The following SYT10 variants were observed in gnomAD, a reference collection of about 807,000 sequenced individuals.
SYT10 encodes the protein synaptotagmin 10.
A neutral mutation model predicts 51.1 loss-of-function variants in SYT10; 31 were observed. The observed-to-expected ratio is 0.61, with a 90% CI of 0.46 to 0.82. The LOEUF is 0.82. Among genes scored for constraint, SYT10 ranks in the 40% least tolerant of loss-of-function variants. SYT10 has a pLI of 0.00. For synonymous variants in SYT10, 233 were observed against 225.9 expected, an observed-to-expected ratio of 1.03 and a Z score of -0.28; for missense variants, 603 against 634.0, an observed-to-expected ratio of 0.95 and a Z score of 0.53.
At chr12:33,416,314 C>T (rs1866453412) in intron 2 of SYT10, among the ~76,000 whole-genome samples, 1 of 151,952 alleles carries the variant, frequency 6.6e-6, no homozygotes, top group African/African-American at 2.4e-5. Context: ...AAATCCTGAC[C>T]TTAGGCAATC....
chr12:33,407,180 A>G lies in SYT10; in HGVS notation c.686T>C (p.Val229Ala). The change falls in exon 3 of 7, where the codon GTC becomes GCC. Residue 229 changes from valine to alanine, a missense_variant. Val to Ala is a moderately conservative substitution (Grantham distance 64). Transcript: ENST00000228567. ...VDSEGNQNEDVKICGKLNFTL... is the reference protein window; with the variant it reads ...VDSEGNQNEDAKICGKLNFTL... ...AAAGTTAAGTTTCCCACAGATTTTG[A>G]CATCTTCGTTTTGGTTGCCCTCAGA... 2 of 1,614,164 alleles carry G rather than the reference A, an allele frequency of 1.2e-6. No homozygotes were observed. The highest frequency in any genetic ancestry group is 1.7e-6 in the Non-Finnish European group (2 of 1,180,032).
At chr12:33,433,650 T>C (rs987827683) in intron 1 of SYT10, among the ~76,000 whole-genome samples, 1 of 152,170 alleles carries the variant, frequency 6.6e-6, no homozygotes, top group Admixed American at 6.5e-5. Flanking sequence ...TACACATGTG[T>C]GCATAGTCAA....
intron 2 of SYT10, 103 bp downstream of exon 2, chr12:33,426,035 A>G: frequency 8.3e-7 from 1 of 1,206,416 alleles, no homozygotes; most frequent in South Asian, 1.6e-5. Flanking sequence ...TTTTCTCCCA[A>G]CTAAAGTTTT....
chr12:33,388,100 G>A (rs1866173809), intron 3 of SYT10, among the ~76,000 whole-genome samples: 1 of 144,538 alleles, frequency 6.9e-6, no homozygotes, highest in South Asian at 2.2e-4. Context: ...AGTAAAAATA[G>A]CTACAAAGGT....
intron 2 of SYT10, among the ~76,000 whole-genome samples, chr12:33,422,332 T>C (rs2138429080): frequency 6.6e-6 from 1 of 152,238 alleles, no homozygotes; most frequent in South Asian, 2.1e-4. Context: ...CACATTTTCA[T>C]GTTTCTTTTT....
At chr12:33,426,826 G>C (rs1866557422) in intron 1 of SYT10, among the ~76,000 whole-genome samples, 1 of 152,158 alleles carries the variant, frequency 6.6e-6, no homozygotes, top group African/African-American at 2.4e-5. Context: ...CATGAGGCAA[G>C]AAATTCTAAA....
At chr12:33,417,207 T>C (rs1866461871) in intron 2 of SYT10, among the ~76,000 whole-genome samples, 1 of 152,192 alleles carries the variant, frequency 6.6e-6, no homozygotes, top group Admixed American at 6.5e-5. Context: ...GCCTGTACTG[T>C]AAGATATGAC....
chr12:33,432,828 A>G (rs1236970037), intron 1 of SYT10: 1 of 152,064 alleles, frequency 6.6e-6, no homozygotes, highest in Non-Finnish European at 1.5e-5. Flanking sequence ...AGGTCCATCT[A>G]AGGAAAAAAA....
intron 2 of SYT10, among the ~76,000 whole-genome samples, chr12:33,424,492 A>G (rs1866532458): frequency 6.6e-6 from 1 of 152,066 alleles, no homozygotes. Flanking sequence ...TTACCTTGAA[A>G]TTTCTGAGTG....
intron 4 of SYT10, among the ~76,000 whole-genome samples, chr12:33,382,985 G>C (rs1442076672): frequency 6.6e-6 from 1 of 152,186 alleles, no homozygotes; most frequent in Non-Finnish European, 1.5e-5. Flanking sequence ...GAAGCCTCCT[G>C]ATATGACATT....
intron 1 of SYT10, among the ~76,000 whole-genome samples, chr12:33,438,996 C>T (rs1388570367): frequency 6.6e-6 from 1 of 152,216 alleles, no homozygotes; most frequent in Non-Finnish European, 1.5e-5. Context: ...GGTGAGCCGC[C>T]CCCACAAGCA....
At chr12:33,434,737 G>A (rs1467412954) in intron 1 of SYT10, among the ~76,000 whole-genome samples, 2 of 152,112 alleles carry the variant, frequency 1.3e-5, no homozygotes, top group South Asian at 2.1e-4. Context: ...CTTGGGAGGC[G>A]GAGGTTGTGA....
In SYT10 at chr12:33,406,941, G is replaced by A; in HGVS notation, c.925C>T (p.Leu309=). 3 of 1,614,066 alleles carry A rather than the reference G, an allele frequency of 1.9e-6. No individual in the cohort carries two copies. Among genetic ancestry groups the A allele is most frequent in the African/African-American group, 1.3e-5 (1 of 75,040 alleles). The part of the protein sequence containing the change: ...TFQFPVAYDQ[L]SNRKLHFSVY... ...CTGAAATGTAGTTTTCGGTTGCTTAGTTGATCATATGCTACAGGAAATTGA... is the reference window on the plus strand; with the variant it reads ...CTGAAATGTAGTTTTCGGTTGCTTAATTGATCATATGCTACAGGAAATTGA... The change falls in exon 3 of 7, where the codon CTA becomes TTA. Residue 309 remains leucine, a synonymous_variant. Transcript: ENST00000228567.
chr12:33,430,653 C>A (rs777672337), intron 1 of SYT10, among the ~76,000 whole-genome samples: 5 of 151,840 alleles, frequency 3.3e-5, no homozygotes, highest in Non-Finnish European at 7.4e-5. Flanking sequence ...ACAAAATGTA[C>A]AAAAATGTGA....
chr12:33,425,012 G>T (rs952887264), intron 2 of SYT10, among the ~76,000 whole-genome samples: 1 of 151,880 alleles, frequency 6.6e-6, no homozygotes, highest in Non-Finnish European at 1.5e-5. Flanking sequence ...TTATCCCTCT[G>T]GAATACATTT....
At chr12:33,413,600 G>A (rs1394898862) in intron 2 of SYT10, among the ~76,000 whole-genome samples, 2 of 152,122 alleles carry the variant, frequency 1.3e-5, no homozygotes, top group East Asian at 3.9e-4. Context: ...ATAAGTGAAG[G>A]AGAAATAAAA....
intron 3 of SYT10, among the ~76,000 whole-genome samples, chr12:33,400,791 C>T (rs957166900): frequency 3.9e-5 from 6 of 152,008 alleles, no homozygotes; most frequent in South Asian, 2.1e-4. Flanking sequence ...TTTGGGAGAC[C>T]GAGGCAGGCA....
intron 2 of SYT10, among the ~76,000 whole-genome samples, chr12:33,409,787 G>A (rs1423248639): frequency 1.3e-5 from 2 of 152,140 alleles, no homozygotes; most frequent in Non-Finnish European, 2.9e-5. Context: ...ATCCATAAGT[G>A]AGATGCCTGG....
At chr12:33,427,195 T>G (rs755322415) in intron 1 of SYT10, among the ~76,000 whole-genome samples, 5 of 152,000 alleles carry the variant, frequency 3.3e-5, no homozygotes, top group African/African-American at 4.8e-5. Flanking sequence ...AGGGAGGGCA[T>G]TAGGTCATGA....
Sources: gnomAD v4.1 joint callset for allele counts (sites outside exome capture counted in the v4.1 genomes callset) on GRCh38, gnomAD v4.1.1 for gene constraint, MANE v1.5 for transcripts, NCBI Gene and HGNC (gene_info 2026-07-23, HGNC 2026-07-21) for gene names.